The following MYO16 variants were observed in gnomAD, a reference collection of about 807,000 sequenced individuals.
MYO16 encodes the protein myosin XVI.
Under a neutral mutation model 205.3 loss-of-function variants are expected in MYO16, and 94 were observed. That is an observed-to-expected ratio of 0.46 (90% CI 0.39 to 0.54). The LOEUF (loss-of-function observed/expected upper bound fraction) is 0.54, where lower values mean the gene tolerates loss of function less well. MYO16 is among the 20% of genes least tolerant of loss of function. MYO16 has a pLI of 0.00. For synonymous variants in MYO16, 988 were observed against 954.0 expected (o/e 1.04, Z -0.66); for missense variants, 2,315 against 2,387.5 (o/e 0.97, Z 0.63).
rs145526164 is a variant in MYO16, at chr13:109,182,739, A to G, written c.5415+3106A>G. ...GCAAAACATTTTCTGATAGGGCTGGAGCCTTAATATACGGTGGTTGTTTAT... is the reference window on the plus strand; with the variant it reads ...GCAAAACATTTTCTGATAGGGCTGGGGCCTTAATATACGGTGGTTGTTTAT... On this transcript the variant is annotated intron_variant, in intron 34 of 34. Transcript: ENST00000457511. 4.6e-3 allele frequency among the ~76,000 whole-genome samples: 698 copies of G among 152,326 alleles called. 3 individuals are homozygous for G. The highest frequency in any genetic ancestry group is 8.1e-3 in the Admixed American group (124 of 15,298).
At chr13:109,048,095 A>G (rs1220698110) in intron 24 of MYO16, among the ~76,000 whole-genome samples, 1 of 151,714 alleles carries the variant, frequency 6.6e-6, no homozygotes, top group African/African-American at 2.4e-5. Context: ...AATATATAGC[A>G]TGTATTTAAA....
chr13:108,689,873 A>C (rs1331071923), intron 2 of MYO16, among the ~76,000 whole-genome samples: 1 of 152,172 alleles, frequency 6.6e-6, no homozygotes, highest in Non-Finnish European at 1.5e-5. Flanking sequence ...ATAGTATTCA[A>C]AACAAGATTC....
At chr13:108,858,468 T>C (rs942666181) in intron 11 of MYO16, among the ~76,000 whole-genome samples, 1 of 152,148 alleles carries the variant, frequency 6.6e-6, no homozygotes, top group African/African-American at 2.4e-5. Flanking sequence ...CCCACTCTTG[T>C]CACTTCTTGG....
chr13:108,999,488 A>T (rs552383609), intron 21 of MYO16, among the ~76,000 whole-genome samples: 1 of 152,354 alleles, frequency 6.6e-6, no homozygotes, highest in Non-Finnish European at 1.5e-5. Context: ...AAAAACAAAT[A>T]GAATCATTAA....
At position 109,127,593 on chromosome 13, in the gene MYO16, G is replaced by A. The variant is rs751873501; in HGVS notation, c.4051+43G>A. 23 of 1,588,122 alleles carry A rather than the reference G, an allele frequency of 1.4e-5. No homozygotes were observed. Among genetic ancestry groups the A allele is most frequent in the South Asian group, 2.2e-5 (2 of 89,320 alleles). ...ACCCAGCCTCGTGTTCCGGGCTCGC[G>A]CATGCTCTGACTTCGCCTTGGGGCG... On this transcript the variant is annotated intron_variant, in intron 31 of 34. Coordinates refer to ENST00000457511, the MANE Select transcript of MYO16 (RefSeq NM_001198950.3). The surrounding 1 kb of genome is among the most constrained non-coding windows in gnomAD (Gnocchi z 4.2).
chr13:108,977,692 G>A (rs928521545), intron 20 of MYO16, among the ~76,000 whole-genome samples: 3 of 152,052 alleles, frequency 2.0e-5, no homozygotes, highest in Non-Finnish European at 4.4e-5. Flanking sequence ...TCCCTTCCCT[G>A]TTTGTTAGCA....
chr13:108,532,142 G>T, the MYO16 span, among the ~76,000 whole-genome samples: 2 of 151,884 alleles, frequency 1.3e-5, no homozygotes, highest in South Asian at 4.1e-4. Flanking sequence ...GGAGACAGAG[G>T]TTGCCGTGAG....
chr13:108,517,896 C>A, the MYO16 span, among the ~76,000 whole-genome samples: 1 of 152,172 alleles, frequency 6.6e-6, no homozygotes, highest in African/African-American at 2.4e-5. Flanking sequence ...TGCCTTGTTA[C>A]TGTGTCACTG....
At chr13:109,186,743 T>A (rs1356976108) in intron 34 of MYO16, among the ~76,000 whole-genome samples, 1 of 152,298 alleles carries the variant, frequency 6.6e-6, no homozygotes, top group East Asian at 1.9e-4. Flanking sequence ...TAAGAACATG[T>A]TTACAGTTTG....
At chr13:108,630,596 G>C (rs1337449612) in intron 1 of MYO16, among the ~76,000 whole-genome samples, 1 of 152,220 alleles carries the variant, frequency 6.6e-6, no homozygotes, top group Admixed American at 6.5e-5. Flanking sequence ...AAAATGGCTT[G>C]CTGGATATAC....
intron 1 of MYO16, among the ~76,000 whole-genome samples, chr13:108,661,449 C>T (rs1056313581): frequency 6.6e-6 from 1 of 151,784 alleles, no homozygotes; most frequent in Non-Finnish European, 1.5e-5. Context: ...TAACATAATC[C>T]CAGACTTCTT....
At chr13:109,173,047 G>T (rs945284962) in intron 33 of MYO16, among the ~76,000 whole-genome samples, 3 of 152,248 alleles carry the variant, frequency 2.0e-5, no homozygotes, top group Non-Finnish European at 4.4e-5. Context: ...TCTGGGTGGA[G>T]TTCAGGGGAA....
At chr13:108,831,117 A>G (rs1876597544) in intron 9 of MYO16, among the ~76,000 whole-genome samples, 1 of 152,116 alleles carries the variant, frequency 6.6e-6, no homozygotes, top group Non-Finnish European at 1.5e-5. Flanking sequence ...TTCCACCCTC[A>G]TGACTTAGTC....
chr13:109,188,229 T>G (rs116366619), intron 34 of MYO16, among the ~76,000 whole-genome samples: 3 of 152,228 alleles, frequency 2.0e-5, no homozygotes, highest in Non-Finnish European at 4.4e-5. Context: ...TATCAAGATA[T>G]AATTCACATA....
chr13:109,034,674 C>T (rs1431389128), intron 23 of MYO16, among the ~76,000 whole-genome samples: 1 of 152,166 alleles, frequency 6.6e-6, no homozygotes, highest in East Asian at 1.9e-4. Flanking sequence ...CTGCTGTTTT[C>T]CTTGGCTTAT....
chr13:108,763,106 T>G (rs1885663382), intron 4 of MYO16, among the ~76,000 whole-genome samples: 1 of 152,224 alleles, frequency 6.6e-6, no homozygotes, highest in South Asian at 2.1e-4. Flanking sequence ...TTGTTCATTC[T>G]TTTAACATCA....
At chr13:108,835,139 C>T (rs1464373625) in intron 9 of MYO16, among the ~76,000 whole-genome samples, 2 of 152,044 alleles carry the variant, frequency 1.3e-5, no homozygotes, top group African/African-American at 4.8e-5. Flanking sequence ...GATGTGTCCC[C>T]ACCCAAATCT....
chr13:108,941,264 G>C (rs570269063), intron 16 of MYO16, among the ~76,000 whole-genome samples: 1 of 152,252 alleles, frequency 6.6e-6, no homozygotes, highest in South Asian at 2.1e-4. Flanking sequence ...AGACAGGAGA[G>C]GTCACTGGGA....
intron 31 of MYO16, among the ~76,000 whole-genome samples, chr13:109,132,678 G>A (rs1876595204): frequency 6.6e-6 from 1 of 152,194 alleles, no homozygotes; most frequent in Non-Finnish European, 1.5e-5. Flanking sequence ...TTTAACAGAA[G>A]CCCTTTAAAA....
Sources: gnomAD v4.1 joint callset for allele counts (sites outside exome capture counted in the v4.1 genomes callset) on GRCh38, gnomAD v4.1.1 for gene constraint, Gnocchi (gnomAD v3.1) non-coding constraint, MANE v1.5 for transcripts, NCBI Gene and HGNC (gene_info 2026-07-23, HGNC 2026-07-21) for gene names.